The following CHST5 variants were observed in gnomAD, a reference collection of about 807,000 sequenced individuals.
The protein encoded by CHST5 is GST4-alpha.
For synonymous variants in CHST5, 313 were observed against 279.2 expected, an observed-to-expected ratio of 1.12 and a Z score of -1.21; for missense variants, 637 against 602.1, an observed-to-expected ratio of 1.06 and a Z score of -0.61.
rs1029805646 is a variant in CHST5 at position 75,529,774 on chromosome 16, T to C, written c.611A>G (p.Gln204Arg). Reference sequence around the variant, plus strand: ...GTCGCTGAGCAGCGGGTAGAGCACCTGCAGGTTGAAGAAGCGCACCTCCTT... The same window carrying C: ...GTCGCTGAGCAGCGGGTAGAGCACCCGCAGGTTGAAGAAGCGCACCTCCTT... ...VLKEVRFFNLQVLYPLLSDPA... is the reference protein window; with the variant it reads ...VLKEVRFFNLRVLYPLLSDPA... The change falls in exon 4 of 4, where the codon CAG becomes CGG. Residue 204 changes from glutamine (Q) to arginine (R), a missense_variant. Transcript: ENST00000336257. 6.2e-7 allele frequency: 1 copy of C among 1,613,700 alleles called. No individual in the cohort carries two copies.
At chr16:75,532,555 G>C (rs546515496) in intron 3 of CHST5, among the ~76,000 whole-genome samples, 30 of 152,248 alleles carry the variant, frequency 2.0e-4, no homozygotes, top group Admixed American at 5.2e-4. Flanking sequence ...TCAATGCGGG[G>C]ACAGGAGTGA....
Position 75,531,625 on chromosome 16 carries a change from G to A in CHST5, c.-1241C>T. 1 of 1,303,998 alleles carries A rather than the reference G, an allele frequency of 7.7e-7. No individual in the cohort carries two copies. Among genetic ancestry groups the A allele is most frequent in the African/African-American group, 1.5e-5 (1 of 65,958 alleles). The allele number at this position is 1,303,998 out of a possible 1,614,324, so 80.8% of individuals were successfully genotyped here. A position where few individuals can be genotyped will look rare whatever the true frequency, so the allele number is the denominator to read the frequency against. On this transcript the variant is annotated 5_prime_UTR_variant, in exon 4 of 4. Coordinates refer to ENST00000336257, the MANE Select transcript of CHST5 (RefSeq NM_024533.5). ...CTGCAACGCTGATCACAAATCCATG[G>A]GAGATGTCTCGACATCTGGCAAAGC...
chr16:75,530,407 G>T lies in CHST5; in HGVS notation c.-23C>A. 1 of 1,496,950 alleles carries T rather than the reference G, an allele frequency of 6.7e-7. No individual in the cohort carries two copies. The highest frequency in any genetic ancestry group is 2.3e-5 in the Admixed American group (1 of 44,178). 92.7% of individuals were successfully genotyped at this position (1,496,950 alleles called of 1,614,324 possible). A position where few individuals can be genotyped will look rare whatever the true frequency, so the allele number is the denominator to read the frequency against. The stretch of plus-strand genomic sequence containing the variant: ...CATCCCATGCCCCAATTACTGCCCA[G>T]TGCCCTCAGGGATCAGCCCTCAGAT... On this transcript the variant is annotated 5_prime_UTR_variant, in exon 4 of 4. In the 5' UTR this introduces an upstream ATG that the reference lacks. Transcript: ENST00000336257.
rs1009234026 is a variant in CHST5 at position 75,531,182 on chromosome 16, C to T, written c.-798G>A. 17 of 575,092 alleles carry T rather than the reference C, an allele frequency of 3.0e-5. No homozygotes were observed. Among genetic ancestry groups the T allele is most frequent in the Admixed American group, 6.1e-5 (1 of 16,478 alleles). The allele number at this position is 575,092 out of a possible 1,614,324, so 35.6% of individuals were successfully genotyped here. A position where few individuals can be genotyped will look rare whatever the true frequency, so the allele number is the denominator to read the frequency against. On this transcript the variant is annotated 5_prime_UTR_variant, in exon 4 of 4. Transcript: ENST00000336257. ...CTAAAAATACAAAAAATTAGCCAGGCGTGATGGTGGGCGCCTGTAGTCCCA... is the reference window on the plus strand; with the variant it reads ...CTAAAAATACAAAAAATTAGCCAGGTGTGATGGTGGGCGCCTGTAGTCCCA...
Position 75,531,484 on chromosome 16 carries a change from G to T in CHST5, c.-1100C>A. 1 of 1,287,504 alleles carries T rather than the reference G, an allele frequency of 7.8e-7. No individual in the cohort carries two copies. Among genetic ancestry groups the T allele is most frequent in the South Asian group, 1.3e-5 (1 of 79,098 alleles). The allele number at this position is 1,287,504 out of a possible 1,614,324, so 79.8% of individuals were successfully genotyped here. Reference sequence around the variant, plus strand: ...GGGTGTCCTGGAGCCCTGTGGGTTTGCAAGAAGATCAGTTGATGGGGAGCT... The same window carrying T: ...GGGTGTCCTGGAGCCCTGTGGGTTTTCAAGAAGATCAGTTGATGGGGAGCT... On this transcript the variant is annotated 5_prime_UTR_variant, in exon 4 of 4. Transcript: ENST00000336257.
intron 2 of CHST5, among the ~76,000 whole-genome samples, chr16:75,533,745 T>G (rs1300868033): frequency 2.0e-5 from 3 of 152,038 alleles, no homozygotes; most frequent in Non-Finnish European, 4.4e-5. Flanking sequence ...AAGTCAACAT[T>G]TGCATTTGCT....
rs201129945 is a variant in CHST5 at position 75,530,252 on chromosome 16, G to C, written c.133C>G (p.Leu45Val). 1.2e-5 allele frequency: 20 copies of C among 1,613,514 alleles called. No homozygotes were observed. The highest frequency in any genetic ancestry group is 1.5e-5 in the Non-Finnish European group (18 of 1,179,932). ...LLLAQTTCLLLFIISRPGPSS... is the reference protein window; with the variant it reads ...LLLAQTTCLLVFIISRPGPSS... The stretch of plus-strand genomic sequence containing the variant: ...GGCCCTGGCCGGGAGATGATGAAGA[G>C]CAGGAGGCAGGTGGTCTGTGCCAGG... Residue 45 changes from leucine to valine, a missense_variant, in exon 4 of 4, where the codon CTC (leucine) becomes GTC (valine). By Grantham distance (32) the Leu-to-Val change is conservative. Coordinates refer to ENST00000336257, the MANE Select transcript of CHST5 (RefSeq NM_024533.5).
intron 2 of CHST5, 76 bp from the exon 3 acceptor site, chr16:75,533,259 G>T: frequency 1.4e-6 from 1 of 702,090 alleles, no homozygotes; most frequent in East Asian, 2.7e-5. Flanking sequence ...AGTCAGCCAG[G>T]CCCTGTGATA....
chr16:75,534,123 T>C lies in CHST5; in HGVS notation c.-1351-940A>G, dbSNP rs182039704. Among the ~76,000 whole-genome samples, 77 of 141,728 alleles carry C rather than the reference T, an allele frequency of 5.4e-4. 1 individual carries two copies. Among genetic ancestry groups the C allele is most frequent in the Admixed American group, 4.4e-3 (62 of 14,136 alleles). 93.0% of individuals were successfully genotyped at this position (141,728 alleles called of 152,430 possible). On this transcript the variant is annotated intron_variant, in intron 2 of 3. Transcript: ENST00000336257. The stretch of plus-strand genomic sequence containing the variant: ...CAGTGTTTTGGGAGGCCAAGATGGG[T>C]AGATCACCTGAGGTCAGGAGTTCAA...
At position 75,533,132 on chromosome 16, in the gene CHST5, C is replaced by G. The variant is rs771954119; in HGVS notation, c.-1300G>C. The G allele has an allele frequency of 1.4e-6, 1 of 702,332 alleles. No homozygotes were observed. Among genetic ancestry groups the G allele is most frequent in the Non-Finnish European group, 2.6e-6 (1 of 384,814 alleles). The allele number at this position is 702,332 out of a possible 1,614,324, so 43.5% of individuals were successfully genotyped here. ...AGAGGTCTTCTTAAGGTGGTTGAATCACTCTATGCCACACAGAGTCTCCAG... is the reference window on the plus strand; with the variant it reads ...AGAGGTCTTCTTAAGGTGGTTGAATGACTCTATGCCACACAGAGTCTCCAG... On this transcript the variant is annotated 5_prime_UTR_variant, in exon 3 of 4. Coordinates refer to ENST00000336257, the MANE Select transcript of CHST5 (RefSeq NM_024533.5).
intron 2 of CHST5, 111 bp from the exon 3 acceptor site, chr16:75,533,294 TGTTATCCTCCCAA>T: frequency 1.4e-6 from 1 of 698,780 alleles, no homozygotes; most frequent in Non-Finnish European, 2.6e-6. Flanking sequence ...CATGATTGAA[TGTTATCCTCCCAA>T]GTCCCTTGGA....
At chr16:75,532,308 T>A (rs969245474) in intron 3 of CHST5, among the ~76,000 whole-genome samples, 4 of 152,134 alleles carry the variant, frequency 2.6e-5, no homozygotes, top group African/African-American at 9.7e-5. Context: ...TCTCACAGGG[T>A]GGAAGGAACA....
In CHST5 at chr16:75,533,906, G is replaced by A. The variant is rs140800371; in HGVS notation, c.-1351-723C>T. Among the ~76,000 whole-genome samples the A allele has an allele frequency of 9.1e-3, 1,383 of 151,526 alleles. 30 individuals are homozygous for A. The highest frequency in any genetic ancestry group is 0.032 in the African/African-American group (1,307 of 41,258). ...ATACAAAAATTAGGCCAGGTCTGGT[G>A]GCAGGTGCCTGTAATCTCAGCTACT... is the stretch of plus-strand genomic sequence containing the variant. On this transcript the variant is annotated intron_variant, in intron 2 of 3. Transcript: ENST00000336257.
At position 75,530,685 on chromosome 16, in the gene CHST5, A is replaced by G; in HGVS notation, c.-301T>C. The stretch of plus-strand genomic sequence containing the variant: ...GAACTCCTGTCTTTTGCTTCAGGAT[A>G]CCTCTTAGAGAGACCCTTTTAGGTT... On this transcript the variant is annotated 5_prime_UTR_variant, in exon 4 of 4. Coordinates refer to ENST00000336257, the MANE Select transcript of CHST5 (RefSeq NM_024533.5). The G allele has an allele frequency of 8.1e-7, 1 of 1,231,478 alleles. No individual in the cohort carries two copies. Among genetic ancestry groups the G allele is most frequent in the South Asian group, 2.5e-5 (1 of 39,996 alleles). 76.3% of individuals were successfully genotyped at this position (1,231,478 alleles called of 1,614,324 possible).
At chr16:75,535,619 C>T (rs1338393694) in intron 1 of CHST5, among the ~76,000 whole-genome samples, 1 of 152,188 alleles carries the variant, frequency 6.6e-6, no homozygotes, top group South Asian at 2.1e-4. Flanking sequence ...GGCTGCGGTC[C>T]CAGGGTGGCC....
chr16:75,535,607 G>A (rs2453141), intron 1 of CHST5, among the ~76,000 whole-genome samples, 198 bp from the exon 2 acceptor site: 12,375 of 152,272 alleles, frequency 0.081, 594 homozygotes, highest in African/African-American at 0.13. Context: ...GCTTTCAGAC[G>A]TGGCTGCGGT....
At chr16:75,533,297 T>C in intron 2 of CHST5, 114 bp from the exon 3 acceptor site, 2 of 698,130 alleles carry the variant, frequency 2.9e-6, no homozygotes, top group Non-Finnish European at 5.2e-6. Flanking sequence ...GATTGAATGT[T>C]ATCCTCCCAA....
In CHST5 at chr16:75,530,210, C is replaced by T. The variant is rs764818195; in HGVS notation, c.175G>A (p.Gly59Ser). 6 of 1,613,696 alleles carry T rather than the reference C, an allele frequency of 3.7e-6. No homozygotes were observed. Among genetic ancestry groups the T allele is most frequent in the South Asian group, 1.1e-5 (1 of 91,070 alleles). The stretch of plus-strand genomic sequence containing the variant: ...ACCAGCACGTGCACACGATCCTCGC[C>T]GCCGGCTGGGGATGAGGGCCCTGGC... Reference protein sequence around the residue: ...SRPGPSSPAGGEDRVHVLVLS... With the variant: ...SRPGPSSPAGSEDRVHVLVLS... The change falls in exon 4 of 4, where the codon GGC (glycine) becomes AGC (serine). Residue 59 changes from glycine (G) to serine (S), a missense_variant. Gly to Ser is a moderately conservative substitution (Grantham distance 56, BLOSUM62 0). Coordinates refer to ENST00000336257, the MANE Select transcript of CHST5 (RefSeq NM_024533.5).
Position 75,530,018 on chromosome 16 carries a change from A to G in CHST5, c.367T>C (p.Leu123=). The G allele has an allele frequency of 1.2e-6, 2 of 1,613,422 alleles. No homozygotes were observed. Among genetic ancestry groups the G allele is most frequent in the African/African-American group, 1.3e-5 (1 of 75,050 alleles). The change falls in exon 4 of 4, where the codon TTG becomes CTG. Residue 123 remains leucine, a synonymous_variant. Transcript: ENST00000336257. ...AVRDLMRSIF[L]CDMDVFDAYM... ...GCATCAAACACGTCCATGTCGCACA[A>G]AAAGATAGAGCGCATCAGGTCGCGC...
Sources: allele counts gnomAD v4.1 joint callset (sites outside exome capture counted in the v4.1 genomes callset), GRCh38; gene constraint gnomAD v4.1.1; transcripts MANE v1.5; gene names NCBI Gene and HGNC (gene_info 2026-07-23, HGNC 2026-07-21).